Variants in SNX30 observed in about 807,000 individuals in gnomAD.
SNX30 encodes the protein sorting nexin family member 30.
Under a neutral mutation model 46.4 loss-of-function variants are expected in SNX30, and 24 were observed. The observed-to-expected ratio is 0.52, with a 90% CI of 0.37 to 0.73. The LOEUF (loss-of-function observed/expected upper bound fraction) is 0.73. Ranked by LOEUF, SNX30 falls within the 30% of genes least tolerant of loss-of-function variation. The pLI is 0.00. For missense variants in SNX30, 533 were observed against 555.7 expected (o/e 0.96, Z 0.41); for synonymous variants, 189 against 211.5 (o/e 0.89, Z 0.92).
downstream of SNX30, among the ~76,000 whole-genome samples, chr9:112,875,649 C>T (rs1415480056): frequency 1.3e-5 from 2 of 152,196 alleles, no homozygotes; most frequent in Non-Finnish European, 2.9e-5. Context: ...AAATGTCAGG[C>T]AGCTTCTCAC....
rs982558359 is a variant in SNX30 at position 112,751,293 on chromosome 9, C to T, written c.156+136C>T. The T allele has an allele frequency of 4.4e-6, 5 of 1,129,686 alleles. No homozygotes were observed. The African/African-American group carries it at 6.5e-5, about 15-fold the overall frequency. The allele number at this position is 1,129,686 out of a possible 1,614,324, so 70.0% of individuals were successfully genotyped here. A position where few individuals can be genotyped will look rare whatever the true frequency, so the allele number is the denominator to read the frequency against. ...CCGGGGGACGGGCGTGTCCTGGCCC[C>T]GGAGCCCTCGGCGAAGCGTCTCCTC... On this transcript the variant is annotated intron_variant, in intron 1 of 8. Coordinates refer to ENST00000374232, the MANE Select transcript of SNX30 (RefSeq NM_001012994.2).
intron 4 of SNX30, among the ~76,000 whole-genome samples, chr9:112,834,827 AAC>A (rs1400269404): frequency 5.6e-5 from 6 of 106,246 alleles, no homozygotes; most frequent in African/African-American, 2.5e-4. Flanking sequence ...CCGTGGATTA[AAC>A]ACACACACAC....
At chr9:112,838,804 C>T (rs1008275043) in intron 6 of SNX30, 107 bp downstream of exon 6, 3 of 1,096,126 alleles carry the variant, frequency 2.7e-6, no homozygotes, top group South Asian at 1.5e-5. Context: ...TTCCTTCTTC[C>T]TGGGTGGGCA....
chr9:112,761,823 A>G (rs937262017), intron 1 of SNX30, among the ~76,000 whole-genome samples: 2 of 152,180 alleles, frequency 1.3e-5, no homozygotes, highest in African/African-American at 4.8e-5. Context: ...GCTCAAACAA[A>G]TGCTGCCTCC....
intron 7 of SNX30, among the ~76,000 whole-genome samples, chr9:112,858,291 G>A (rs1411754255): frequency 6.6e-6 from 1 of 152,176 alleles, no homozygotes; most frequent in Non-Finnish European, 1.5e-5. Flanking sequence ...AAGACAGGAA[G>A]ATCGCCTGAG....
chr9:112,855,856 G>A (rs534691064), intron 7 of SNX30, among the ~76,000 whole-genome samples: 23 of 152,200 alleles, frequency 1.5e-4, no homozygotes, highest in African/African-American at 5.1e-4. Context: ...CCTTCTCCTG[G>A]GCCTGTTGGG....
chr9:112,845,623 C>G (rs567603129), intron 6 of SNX30, among the ~76,000 whole-genome samples: 50 of 152,314 alleles, frequency 3.3e-4, no homozygotes, highest in African/African-American at 1.2e-3. Flanking sequence ...CTGCTTGACT[C>G]TCAGCCTTAG....
chr9:112,790,431 A>T (rs59867727), intron 1 of SNX30, among the ~76,000 whole-genome samples: 1,669 of 152,286 alleles, frequency 0.011, 26 homozygotes, highest in African/African-American at 0.037. Context: ...CTCTCCTGCA[A>T]GTCTTCCCAT....
At chr9:112,761,533 G>A (rs1481730358) in intron 1 of SNX30, among the ~76,000 whole-genome samples, 1 of 152,174 alleles carries the variant, frequency 6.6e-6, no homozygotes, top group East Asian at 1.9e-4. Flanking sequence ...CGTGAAAGAG[G>A]TAAGATAGGA....
chr9:112,840,677 G>A (rs943562733), intron 6 of SNX30, among the ~76,000 whole-genome samples: 2 of 152,084 alleles, frequency 1.3e-5, no homozygotes, highest in Non-Finnish European at 2.9e-5. Context: ...GTAGAGACGG[G>A]GTTTCCCCAT....
At chr9:112,821,095 A>G (rs537550285) in intron 3 of SNX30, among the ~76,000 whole-genome samples, 3 of 152,318 alleles carry the variant, frequency 2.0e-5, no homozygotes, top group Admixed American at 1.3e-4. Context: ...CTTTTGAGGA[A>G]CTGCCAGACT....
intron 3 of SNX30, among the ~76,000 whole-genome samples, chr9:112,825,720 A>T (rs761209698): frequency 7.9e-5 from 12 of 152,210 alleles, no homozygotes; most frequent in Admixed American, 2.0e-4. Context: ...GGCATTTGTT[A>T]GACATCTGCT....
chr9:112,776,845 G>A (rs1470666733), intron 1 of SNX30, among the ~76,000 whole-genome samples: 1 of 152,226 alleles, frequency 6.6e-6, no homozygotes, highest in East Asian at 1.9e-4. Context: ...TCTGAACTAA[G>A]GAAGTGGGGA....
At chr9:112,884,454 T>G (rs1207553607), downstream of SNX30, among the ~76,000 whole-genome samples, 2 of 152,236 alleles carry the variant, frequency 1.3e-5, no homozygotes, top group African/African-American at 4.8e-5. Flanking sequence ...TCTCGTTTCT[T>G]TAGTGACTTT....
intron 6 of SNX30, among the ~76,000 whole-genome samples, chr9:112,845,991 A>C (rs1840935203): frequency 6.6e-6 from 1 of 152,244 alleles, no homozygotes; most frequent in African/African-American, 2.4e-5. Context: ...AAGAGAAGAT[A>C]TCACAGCCAT....
chr9:112,810,810 C>T lies in SNX30; in HGVS notation c.348+5843C>T, dbSNP rs112266999. 4.2e-3 allele frequency among the ~76,000 whole-genome samples: 641 copies of T among 152,244 alleles called. 1 individual carries two copies. The highest frequency in any genetic ancestry group is 6.6e-3 in the Non-Finnish European group (446 of 68,024). On this transcript the variant is annotated intron_variant, in intron 2 of 8. Transcript: ENST00000374232. ...TGGCAGAGCTGTCAGTGGATGACAG[C>T]TGTGCGGGAGAGATACAGGATGTAT...
intron 8 of SNX30, 44 bp from the exon 9 acceptor site, chr9:112,868,740 C>G: frequency 6.2e-7 from 1 of 1,610,504 alleles, no homozygotes; most frequent in Non-Finnish European, 8.5e-7. Flanking sequence ...GACCCGAAAT[C>G]GGAAACTCAA....
At chr9:112,823,406 G>A (rs961236551) in intron 3 of SNX30, among the ~76,000 whole-genome samples, 8 of 152,226 alleles carry the variant, frequency 5.3e-5, no homozygotes, top group South Asian at 4.1e-4. Context: ...CCCACTCTCC[G>A]TACCCCTGGC....
chr9:112,868,741 G>A (rs368314895), intron 8 of SNX30, 43 bp from the exon 9 acceptor site: 26 of 1,611,402 alleles, frequency 1.6e-5, no homozygotes, highest in South Asian at 2.2e-5. Flanking sequence ...ACCCGAAATC[G>A]GAAACTCAAA....
Sources: allele counts gnomAD v4.1 joint callset (sites outside exome capture counted in the v4.1 genomes callset), GRCh38; gene constraint gnomAD v4.1.1; transcripts MANE v1.5; gene names NCBI Gene and HGNC (gene_info 2026-07-23, HGNC 2026-07-21).